ZNF732: variants seen among roughly 807,000 people sequenced by gnomAD.
ZNF732 encodes the protein zinc finger protein 732, also known as zinc finger protein LOC654254.
In ZNF732, 12 loss-of-function variants were observed where a neutral mutation model predicts 11.5. That is an observed-to-expected ratio of 1.05 (90% CI 0.67 to 1.70). The LOEUF is 1.70. ZNF732 is among the 40% of genes most tolerant of loss of function. The probability of loss-of-function intolerance (pLI) is 0.00; values close to 1 mark genes in which losing one functional copy is unlikely to be tolerated. For missense variants in ZNF732, 702 were observed against 676.9 expected (o/e 1.04, Z -0.41); for synonymous variants, 231 against 236.5 (o/e 0.98, Z 0.21).
rs61792071 is a variant in ZNF732 at position 271,608 on chromosome 4, G to A, written c.1249C>T (p.Pro417Ser). The A allele has an allele frequency of 1.2e-6, 2 of 1,612,536 alleles. No homozygotes were observed. Among genetic ancestry groups the A allele is most frequent in the Non-Finnish European group, 1.7e-6 (2 of 1,179,210 alleles). Residue 417 changes from proline (P) to serine (S), a missense_variant, in exon 4 of 4, where the codon CCC (proline) becomes TCC (serine). Transcript: ENST00000419098. ...TTGCCACACTCTTCACATTTGTGGG[G>A]CCTCTCTCCAGTATGAATTCTCTTA... ...EHKRIHTGER[P>S]HKCEECGKAF...
At position 270,826 on chromosome 4, in the gene ZNF732, G is replaced by GA; in HGVS notation, c.*272_*273insT. The GA allele has an allele frequency of 1.5e-6, 1 of 651,304 alleles. No homozygotes were observed. Among genetic ancestry groups the GA allele is most frequent in the East Asian group, 3.2e-5 (1 of 31,540 alleles). The allele number at this position is 651,304 out of a possible 1,614,324, so 40.3% of individuals were successfully genotyped here. A position where few individuals can be genotyped will look rare whatever the true frequency, so the allele number is the denominator to read the frequency against. On this transcript the variant is annotated 3_prime_UTR_variant, in exon 4 of 4. Transcript: ENST00000419098. Reference sequence around the variant, plus strand: ...ACTCAGGGTTGTGGACCATCTAAAAGCTTTGCCACATTCTTCACATTTGTA... The same window carrying GA: ...ACTCAGGGTTGTGGACCATCTAAAAGACTTTGCCACATTCTTCACATTTGTA...
intron 3 of ZNF732, among the ~76,000 whole-genome samples, chr4:274,967 A>G (rs1196215292): frequency 6.6e-6 from 1 of 151,620 alleles, no homozygotes; most frequent in Non-Finnish European, 1.5e-5. Context: ...AGGATATTTA[A>G]ATACCCCAGT....
At chr4:300,665 G>A (rs782768957) in intron 1 of ZNF732, among the ~76,000 whole-genome samples, 8 of 152,014 alleles carry the variant, frequency 5.3e-5, no homozygotes, top group Non-Finnish European at 8.8e-5. Context: ...CATAAATTCA[G>A]AATTTGGAAC....
rs575289288 is a variant in ZNF732 at position 284,367 on chromosome 4, CTT to C, written c.226+11069_226+11070del. ...AAAGAAAAGAAAAATCAGAAAGTAT[CTT>C]GAGACAAATGAAAATAGAAATAGGA... On this transcript the variant is annotated intron_variant, in intron 3 of 3. Transcript: ENST00000419098. Among the ~76,000 whole-genome samples, 75 of 152,088 alleles carry C rather than the reference CTT, an allele frequency of 4.9e-4. No homozygotes were observed. In the South Asian group the frequency reaches 0.015, roughly 29 times the overall value.
intron 1 of ZNF732, among the ~76,000 whole-genome samples, chr4:300,124 A>G (rs1720083709): frequency 6.6e-6 from 1 of 151,746 alleles, no homozygotes; most frequent in Non-Finnish European, 1.5e-5. Flanking sequence ...ATTAACATAT[A>G]AGGTGTGGGT....
chr4:293,174 C>T (rs1719876503), intron 3 of ZNF732, among the ~76,000 whole-genome samples: 1 of 145,256 alleles, frequency 6.9e-6, no homozygotes, highest in African/African-American at 2.6e-5. Context: ...TAAGTTAGCA[C>T]CTTGAAGAAA....
chr4:293,685 G>A (rs1428705975), intron 3 of ZNF732, among the ~76,000 whole-genome samples: 1 of 151,956 alleles, frequency 6.6e-6, no homozygotes, highest in Non-Finnish European at 1.5e-5. Context: ...TACAACAGTA[G>A]GCCTTAAGTG....
At chr4:287,634 G>A (rs985890783) in intron 3 of ZNF732, among the ~76,000 whole-genome samples, 24 of 151,570 alleles carry the variant, frequency 1.6e-4, no homozygotes, top group African/African-American at 5.8e-4. Flanking sequence ...GATACTGTTT[G>A]AAAAATATAT....
chr4:293,544 G>T (rs561242964), intron 3 of ZNF732, among the ~76,000 whole-genome samples: 3 of 152,078 alleles, frequency 2.0e-5, no homozygotes, highest in Non-Finnish European at 4.4e-5. Flanking sequence ...GGACCATGAG[G>T]AGATGTTTTC....
At chr4:279,433 G>A (rs1247279582) in intron 3 of ZNF732, among the ~76,000 whole-genome samples, 4 of 140,966 alleles carry the variant, frequency 2.8e-5, no homozygotes, top group East Asian at 2.3e-4. Context: ...GTGACAGAGC[G>A]AGACTCCGTC....
At chr4:293,003 G>A (rs1719871836) in intron 3 of ZNF732, among the ~76,000 whole-genome samples, 1 of 144,452 alleles carries the variant, frequency 6.9e-6, no homozygotes, top group Non-Finnish European at 1.5e-5. Context: ...AGGTGGCGGA[G>A]GTTGCAGTGA....
In ZNF732 at chr4:271,276, C is replaced by G. The variant is rs967676985; in HGVS notation, c.1581G>C (p.Glu527Asp). The G allele has an allele frequency of 3.8e-6, 6 of 1,583,040 alleles. No individual in the cohort carries two copies. The highest frequency in any genetic ancestry group is 1.1e-5 in the South Asian group (1 of 87,802). Residue 527 changes from glutamate to aspartate, a missense_variant, in exon 4 of 4, where the codon GAG (glutamate) becomes GAC (aspartate). By Grantham distance (45) the Glu-to-Asp change is conservative. This residue lies in a region of ZNF732 where 94 missense variants were observed against 87.5 expected (regional missense o/e 1.07). Transcript: ENST00000419098. Reference sequence around the variant, plus strand: ...CACACTCTTCACATCTATAAGGTTTCTCTCCAGTATGAATTTTCTTATGTT... The same window carrying G: ...CACACTCTTCACATCTATAAGGTTTGTCTCCAGTATGAATTTTCTTATGTT... Reference protein sequence around the residue: ...LSKHKKIHTGEKPYRCEECGK... With the variant: ...LSKHKKIHTGDKPYRCEECGK...
intron 1 of ZNF732, among the ~76,000 whole-genome samples, chr4:298,862 C>T (rs1343121674): frequency 6.6e-6 from 1 of 152,176 alleles, no homozygotes; most frequent in Non-Finnish European, 1.5e-5. Flanking sequence ...TGGCCCTGAA[C>T]TCCCACTGCT....
chr4:280,509 C>T (rs1410719605), intron 3 of ZNF732, among the ~76,000 whole-genome samples: 2 of 152,052 alleles, frequency 1.3e-5, no homozygotes, highest in Non-Finnish European at 2.9e-5. Context: ...TGCTTGAATC[C>T]GAGAGGCAGA....
chr4:270,710 C>T lies in ZNF732; in HGVS notation c.*389G>A. On this transcript the variant is annotated 3_prime_UTR_variant, in exon 4 of 4. Coordinates refer to ENST00000419098, the MANE Select transcript of ZNF732 (RefSeq NM_001137608.3). ...GTGTTCTCTCCATTATGAATTTTCT[C>T]ATGTTTATTTATGGGTGAGGACCGT... 1 of 396,416 alleles carries T rather than the reference C, an allele frequency of 2.5e-6. No individual in the cohort carries two copies. The highest frequency in any genetic ancestry group is 4.9e-6 in the Non-Finnish European group (1 of 202,060). The allele number at this position is 396,416 out of a possible 1,614,324, so 24.6% of individuals were successfully genotyped here. A position where few individuals can be genotyped will look rare whatever the true frequency, so the allele number is the denominator to read the frequency against.
chr4:301,980 T>C lies in ZNF732; in HGVS notation c.3+3328A>G, dbSNP rs551727454. 9.8e-5 allele frequency among the ~76,000 whole-genome samples: 15 copies of C among 152,352 alleles called. 1 individual carries two copies. In the South Asian group the frequency reaches 2.9e-3, roughly 29 times the overall value. The stretch of plus-strand genomic sequence containing the variant: ...CATGATCACGGAATCAGTGTCAGAT[T>C]TGAAGATGCCAGGCACACTGACGAA... On this transcript the variant is annotated intron_variant, in intron 1 of 3. Transcript: ENST00000419098.
chr4:299,853 T>C (rs1720075777), intron 1 of ZNF732, among the ~76,000 whole-genome samples: 1 of 145,838 alleles, frequency 6.9e-6, no homozygotes, highest in African/African-American at 2.5e-5. Flanking sequence ...TGCGCCACCA[T>C]GCCGGCTAAT....
At chr4:288,943 C>G (rs560452761) in intron 3 of ZNF732, among the ~76,000 whole-genome samples, 1 of 152,110 alleles carries the variant, frequency 6.6e-6, no homozygotes, top group Admixed American at 6.5e-5. Flanking sequence ...AGTTTATCCT[C>G]GTATTGCTAT....
At chr4:280,086 A>AGAAT (rs1553839499) in intron 3 of ZNF732, among the ~76,000 whole-genome samples, 18 of 151,766 alleles carry the variant, frequency 1.2e-4, no homozygotes, top group African/African-American at 3.9e-4. Flanking sequence ...TTAAAAACAA[A>AGAAT]AAATAATTGA....
Sources: gnomAD v4.1 joint callset for allele counts (sites outside exome capture counted in the v4.1 genomes callset) on GRCh38, gnomAD v4.1.1 for gene constraint, gnomAD v4.1.1 regional missense constraint, MANE v1.5 for transcripts, NCBI Gene and HGNC (gene_info 2026-07-23, HGNC 2026-07-21) for gene names.